Variants in PMF1 observed in about 807,000 individuals in gnomAD.
The protein encoded by PMF1 is polyamine-modulated factor 1.
A neutral mutation model predicts 26.7 loss-of-function variants in PMF1; 21 were observed. That is an observed-to-expected ratio of 0.79 (90% CI 0.56 to 1.13). The LOEUF is 1.13. PMF1 is among the 50% of genes most tolerant of loss of function. PMF1 has a pLI of 0.00. For synonymous variants in PMF1, 105 were observed against 101.0 expected (o/e 1.04, Z -0.24); for missense variants, 266 against 254.9 (o/e 1.04, Z -0.30).
chr1:156,238,109 A>C (rs2103138381), intron 4 of PMF1, among the ~76,000 whole-genome samples: 1 of 152,248 alleles, frequency 6.6e-6, no homozygotes, highest in Middle Eastern at 3.4e-3. Context: ...TTTATTTCTG[A>C]GTCTGTATTC....
chr1:156,226,758 A>AT (rs1446681724), intron 1 of PMF1, among the ~76,000 whole-genome samples: 2 of 152,254 alleles, frequency 1.3e-5, no homozygotes, highest in Non-Finnish European at 2.9e-5. Context: ...AAGTAGTCTG[A>AT]GGTCACTAGT....
chr1:156,235,861 T>C (rs1658980672), intron 3 of PMF1, among the ~76,000 whole-genome samples: 1 of 152,192 alleles, frequency 6.6e-6, no homozygotes, highest in Non-Finnish European at 1.5e-5. Flanking sequence ...TCCCACAGTC[T>C]GGGCCCTCTG....
At chr1:156,216,530 C>T (rs1027003696) in intron 1 of PMF1, among the ~76,000 whole-genome samples, 5 of 152,120 alleles carry the variant, frequency 3.3e-5, no homozygotes, top group African/African-American at 7.2e-5. Flanking sequence ...CCCGGCTAGC[C>T]GGCCGTGCTC....
intron 1 of PMF1, chr1:156,223,888 G>C (rs1358976578): frequency 1.3e-5 from 2 of 152,186 alleles, no homozygotes; most frequent in Non-Finnish European, 2.9e-5. Flanking sequence ...GAATTGTACT[G>C]TTTCGTCTTT....
At chr1:156,214,168 C>T (rs1657555399) in intron 1 of PMF1, among the ~76,000 whole-genome samples, 1 of 152,126 alleles carries the variant, frequency 6.6e-6, no homozygotes, top group Admixed American at 6.5e-5. Context: ...CCCACCTCGG[C>T]CTCCCAAAGT....
rs941279786 is a variant in PMF1 at position 156,225,433 on chromosome 1, T to G, written c.162-6887T>G. On this transcript the variant is annotated intron_variant, in intron 1 of 4. Transcript: ENST00000368277. ...TGTACACTATACCCAGTATGTAGTC[T>G]TTTATCCCTCACCCCCCTCCCACCC... The G allele has an allele frequency of 9.6e-6, 6 of 624,376 alleles. No homozygotes were observed. The South Asian group carries it at 1.1e-4, about 12-fold the overall frequency. The allele number at this position is 624,376 out of a possible 1,614,324, so 38.7% of individuals were successfully genotyped here.
chr1:156,215,067 CAG>C (rs1572475635), intron 1 of PMF1, among the ~76,000 whole-genome samples: 1 of 146,154 alleles, frequency 6.8e-6, no homozygotes, highest in East Asian at 1.9e-4. Flanking sequence ...TTAGTAGAGA[CAG>C]GGTTTCACCA....
chr1:156,225,470 T>G, intron 1 of PMF1: 5 of 705,914 alleles, frequency 7.1e-6, no homozygotes, highest in African/African-American at 1.8e-5. Context: ...TTCCCCACAG[T>G]TGGCAAAGTC....
intron 1 of PMF1, among the ~76,000 whole-genome samples, chr1:156,213,488 T>C (rs1277743032): frequency 3.3e-5 from 5 of 152,200 alleles, no homozygotes; most frequent in Admixed American, 3.3e-4. Flanking sequence ...TTTATTATCT[T>C]TGAGATAGGG....
chr1:156,224,437 C>G (rs1317876637), intron 1 of PMF1, among the ~76,000 whole-genome samples: 1 of 152,210 alleles, frequency 6.6e-6, no homozygotes, highest in African/African-American at 2.4e-5. Context: ...TACAACGATT[C>G]ATCTTGAATC....
At chr1:156,237,767 CTT>C (rs755127715) in intron 4 of PMF1, among the ~76,000 whole-genome samples, 21 of 145,882 alleles carry the variant, frequency 1.4e-4, no homozygotes, top group Admixed American at 5.4e-4. Flanking sequence ...TCTATTTCAA[CTT>C]TGTTTTTGAG....
intron 1 of PMF1, among the ~76,000 whole-genome samples, chr1:156,230,130 C>T (rs1267776354): frequency 6.6e-6 from 1 of 152,166 alleles, no homozygotes; most frequent in Non-Finnish European, 1.5e-5. Flanking sequence ...AGGGGTGGGG[C>T]TTTGTGTTGG....
chr1:156,238,681 C>T (rs139977885), intron 4 of PMF1, among the ~76,000 whole-genome samples: 237 of 152,296 alleles, frequency 1.6e-3, no homozygotes, highest in Middle Eastern at 3.4e-3. Flanking sequence ...CCTGGATCTC[C>T]CTGGTCTTCT....
rs902822886 is a variant in PMF1 at position 156,239,748 on chromosome 1, G to T, written c.*147G>T. On this transcript the variant is annotated 3_prime_UTR_variant, in exon 5 of 5. Coordinates refer to ENST00000368277, the MANE Select transcript of PMF1 (RefSeq NM_007221.4). ...TGGAATTTGCTGGAGGACTAGGCCA[G>T]AGCAAGCCTCACTGCCACTGTGCCT... is the stretch of plus-strand genomic sequence containing the variant. 2 of 666,956 alleles carry T rather than the reference G, an allele frequency of 3.0e-6. No homozygotes were observed. The highest frequency in any genetic ancestry group is 5.3e-6 in the Non-Finnish European group (2 of 376,356). The allele number at this position is 666,956 out of a possible 1,614,324, so 41.3% of individuals were successfully genotyped here. A position where few individuals can be genotyped will look rare whatever the true frequency, so the allele number is the denominator to read the frequency against.
In PMF1 at chr1:156,239,587, A is replaced by AG; in HGVS notation, c.607dup (p.Glu203GlyfsTer3). On this transcript the variant is annotated frameshift_variant, in exon 5 of 5. Transcript: ENST00000368277. LOFTEE classifies it high-confidence loss of function. ...ACAGAGGGAGCTGGTTGCTGTGCTGAGGGAGCCTGAGTGAGGAGACCGCCA... is the reference window on the plus strand; with the variant it reads ...ACAGAGGGAGCTGGTTGCTGTGCTGAGGGGAGCCTGAGTGAGGAGACCGCCA... 6.2e-7 allele frequency: 1 copy of AG among 1,612,558 alleles called. No homozygotes were observed. The highest frequency in any genetic ancestry group is 1.1e-5 in the South Asian group (1 of 90,918).
intron 1 of PMF1, chr1:156,225,588 G>T (rs1183890221): frequency 1.3e-6 from 2 of 1,559,080 alleles, no homozygotes; most frequent in South Asian, 2.4e-5. Context: ...CGGAAGTGCT[G>T]GTCCCCGCCT....
At chr1:156,225,559 C>T (rs780790003) in intron 1 of PMF1, 38 of 1,541,560 alleles carry the variant, frequency 2.5e-5, no homozygotes, top group Non-Finnish European at 3.3e-5. Flanking sequence ...GTTCTCAGCT[C>T]TCCACTCCTT....
At chr1:156,215,204 C>T (rs144752152) in intron 1 of PMF1, among the ~76,000 whole-genome samples, 4 of 151,970 alleles carry the variant, frequency 2.6e-5, no homozygotes, top group Admixed American at 6.6e-5. Context: ...AATTACAGAA[C>T]GAATGTATAG....
intron 4 of PMF1, among the ~76,000 whole-genome samples, chr1:156,237,793 G>A (rs1244304330): frequency 3.3e-5 from 5 of 152,138 alleles, no homozygotes; most frequent in Non-Finnish European, 7.4e-5. Flanking sequence ...GTCTTGCTCT[G>A]TTGCCCAGGC....
Sources: allele counts gnomAD v4.1 joint callset (sites outside exome capture counted in the v4.1 genomes callset), GRCh38; gene constraint gnomAD v4.1.1; transcripts MANE v1.5; gene names NCBI Gene and HGNC (gene_info 2026-07-23, HGNC 2026-07-21).